MYCBP2: variants seen among roughly 807,000 people sequenced by gnomAD.
MYCBP2 encodes the protein E3 ubiquitin-protein ligase MYCBP2.
In MYCBP2, 120 loss-of-function variants were observed where a neutral mutation model predicts 525.3. That is an observed-to-expected ratio of 0.23 (90% confidence interval 0.20 to 0.27). The LOEUF is 0.27. Among genes scored for constraint, MYCBP2 ranks in the 10% least tolerant of loss-of-function variants. The pLI, the probability that MYCBP2 is intolerant of heterozygous loss-of-function variation, is 1.00. For missense variants in MYCBP2, 4,149 were observed against 5,657.1 expected (o/e 0.73, Z 8.55); for synonymous variants, 1,894 against 1,955.8 (o/e 0.97, Z 0.83).
At chr13:77,315,386 T>A (rs931503345) in intron 1 of MYCBP2, among the ~76,000 whole-genome samples, 1 of 152,202 alleles carries the variant, frequency 6.6e-6, no homozygotes, top group East Asian at 1.9e-4. Context: ...ATATCCCTCA[T>A]GAATATAAAC....
At chr13:77,172,353 A>G (rs1176053402) in intron 37 of MYCBP2, among the ~76,000 whole-genome samples, 1 of 152,194 alleles carries the variant, frequency 6.6e-6, no homozygotes, top group East Asian at 1.9e-4. Flanking sequence ...GTGGGAAGGG[A>G]AACAAGAGTC....
chr13:77,200,916 C>T (rs1176378242), intron 26 of MYCBP2, among the ~76,000 whole-genome samples: 130 of 151,736 alleles, frequency 8.6e-4, no homozygotes, highest in African/African-American at 3.0e-3. Flanking sequence ...AAGGAACAAC[C>T]GGTACCAGCC....
At chr13:77,119,667 T>C (rs2050355506) in intron 55 of MYCBP2, among the ~76,000 whole-genome samples, 1 of 152,246 alleles carries the variant, frequency 6.6e-6, no homozygotes, top group African/African-American at 2.4e-5. Context: ...TATTATTTCT[T>C]TGCTCCTTCT....
intron 17 of MYCBP2, among the ~76,000 whole-genome samples, chr13:77,234,392 C>A (rs940912212): frequency 1.3e-5 from 2 of 151,862 alleles, no homozygotes; most frequent in South Asian, 4.1e-4. Context: ...AATGATGGGA[C>A]AAATTGAGCC....
rs529207784 is a variant in MYCBP2 at position 77,217,906 on chromosome 13, A to C, written c.2991T>G (p.Thr997=). Residue 997 remains threonine (T), a synonymous_variant, in exon 21 of 83, where the codon ACT becomes ACG. Transcript: ENST00000544440. Reference sequence around the variant, plus strand: ...GTACTGCCGTATGGTTGCTGCCTGCAGTGACTTGTGTGCTAGGGCCTGGCA... The same window carrying C: ...GTACTGCCGTATGGTTGCTGCCTGCCGTGACTTGTGTGCTAGGGCCTGGCA... ...QALPGPSTQV[T]AGSNHTAVLL... The C allele has an allele frequency of 4.7e-5, 75 of 1,612,524 alleles. No homozygotes were observed. In the East Asian group the frequency reaches 1.6e-3, roughly 35 times the overall value.
At chr13:77,166,966 A>AATACACACATACAC (rs1457724056) in intron 40 of MYCBP2, among the ~76,000 whole-genome samples, 3 of 123,876 alleles carry the variant, frequency 2.4e-5, no homozygotes, top group Admixed American at 9.2e-5. Flanking sequence ...TCAAAGACAA[A>AATACACACATACAC]ACACACACAT....
intron 18 of MYCBP2, among the ~76,000 whole-genome samples, chr13:77,228,256 A>G (rs1474741282): frequency 6.6e-6 from 1 of 152,116 alleles, no homozygotes; most frequent in Admixed American, 6.5e-5. Context: ...CTGTAATCTC[A>G]GGGCTTTGGG....
At chr13:77,188,918 A>C (rs1443525052) in intron 30 of MYCBP2, 33 bp downstream of exon 30, 1 of 1,505,476 alleles carries the variant, frequency 6.6e-7, no homozygotes, top group Non-Finnish European at 9.1e-7. Context: ...AGGACTGAAG[A>C]GAAAAGCTGA....
At chr13:77,108,326 C>A (rs935033385) in intron 55 of MYCBP2, among the ~76,000 whole-genome samples, 9 of 152,072 alleles carry the variant, frequency 5.9e-5, no homozygotes, top group African/African-American at 1.7e-4. Context: ...TTAGGAAAAG[C>A]GTATCATTTC....
intron 14 of MYCBP2, among the ~76,000 whole-genome samples, chr13:77,251,560 C>T (rs1188454691): frequency 6.6e-6 from 1 of 152,142 alleles, no homozygotes; most frequent in East Asian, 1.9e-4. Flanking sequence ...CAAAAGAAGG[C>T]AAGGAAGGCT....
rs2154068192 is a variant in MYCBP2, at chr13:77,058,243, G to A, written c.13304C>T (p.Ala4435Val). The change falls in exon 78 of 83, where the codon GCG (alanine) becomes GTG (valine). Residue 4435 changes from alanine to valine, a missense_variant. By Grantham distance (64) the Ala-to-Val change is moderately conservative (BLOSUM62 0). Coordinates refer to ENST00000544440, the MANE Select transcript of MYCBP2 (RefSeq NM_015057.5). The surrounding 1 kb of genome is among the most constrained non-coding windows in gnomAD (Gnocchi z 4.1). ...DDMCMICFTE[A>V]LSAAPAIQLD... The stretch of plus-strand genomic sequence containing the variant: ...CTGAATGGCTGGTGCTGCCGAGAGC[G>A]CTTCGGTGAAACATATCATGCACAT... 4 of 1,613,962 alleles carry A rather than the reference G, an allele frequency of 2.5e-6. No individual in the cohort carries two copies. The highest frequency in any genetic ancestry group is 3.4e-6 in the Non-Finnish European group (4 of 1,179,940).
intron 66 of MYCBP2, chr13:77,078,103 T>G (rs2042637066): frequency 6.6e-6 from 1 of 152,124 alleles, no homozygotes; most frequent in African/African-American, 2.4e-5. Flanking sequence ...AATGTCAATT[T>G]TCAAAAAGGG....
intron 11 of MYCBP2, 134 bp from the exon 12 acceptor site, chr13:77,261,509 T>C: frequency 1.5e-6 from 1 of 684,602 alleles, no homozygotes; most frequent in South Asian, 2.2e-5. Context: ...TTTTTTACAC[T>C]ATTCAGCTTC....
intron 55 of MYCBP2, among the ~76,000 whole-genome samples, chr13:77,101,774 CTTG>C (rs911860201): frequency 7.3e-5 from 11 of 151,718 alleles, no homozygotes; most frequent in Admixed American, 3.3e-4. Context: ...AAAAACTATG[CTTG>C]TTAAGTGGGG....
chr13:77,182,592 A>G (rs1215558956), intron 32 of MYCBP2, among the ~76,000 whole-genome samples: 1 of 152,248 alleles, frequency 6.6e-6, no homozygotes, highest in Non-Finnish European at 1.5e-5. Flanking sequence ...AGCAAAGAAG[A>G]AAAGAACCAT....
At chr13:77,143,015 A>G (rs1229781137) in intron 49 of MYCBP2, among the ~76,000 whole-genome samples, 1 of 152,234 alleles carries the variant, frequency 6.6e-6, no homozygotes, top group East Asian at 1.9e-4. Flanking sequence ...CTTGAGGAGC[A>G]TCAGGAAAAA....
intron 72 of MYCBP2, among the ~76,000 whole-genome samples, chr13:77,065,647 T>G (rs1011858817): frequency 2.6e-5 from 4 of 152,230 alleles, no homozygotes; most frequent in Non-Finnish European, 5.9e-5. Context: ...CTGAGGAGAA[T>G]GAGAAACTTC....
At chr13:77,095,928 G>C (rs964692831) in intron 57 of MYCBP2, among the ~76,000 whole-genome samples, 6 of 151,816 alleles carry the variant, frequency 4.0e-5, no homozygotes, top group African/African-American at 9.7e-5. Context: ...GGTGCCACTA[G>C]AGTGAATAAA....
Position 77,327,030 on chromosome 13 carries a change from G to A in MYCBP2, c.-255C>T, listed in dbSNP as rs1449978587. 12 of 434,900 alleles carry A rather than the reference G, an allele frequency of 2.8e-5. No individual in the cohort carries two copies. Among genetic ancestry groups the A allele is most frequent in the Admixed American group, 4.4e-5 (1 of 22,826 alleles). The allele number at this position is 434,900 out of a possible 1,614,324, so 26.9% of individuals were successfully genotyped here. On this transcript the variant is annotated 5_prime_UTR_variant, in exon 1 of 83. Coordinates refer to ENST00000544440, the MANE Select transcript of MYCBP2 (RefSeq NM_015057.5). The stretch of plus-strand genomic sequence containing the variant: ...GGGAATGTGAGGAGGAGGCGGTGCC[G>A]CCACTGCCGCCGCCACCACCGCTAC...
Sources: allele counts gnomAD v4.1 joint callset (sites outside exome capture counted in the v4.1 genomes callset), GRCh38; gene constraint gnomAD v4.1.1; non-coding constraint Gnocchi (gnomAD v3.1); transcripts MANE v1.5; gene names NCBI Gene and HGNC (gene_info 2026-07-23, HGNC 2026-07-21).